Variants in GPHN observed in about 807,000 individuals in gnomAD.
The protein encoded by GPHN is gephyrin.
Under a neutral mutation model 95.5 loss-of-function variants are expected in GPHN, and 17 were observed. The ratio of observed to expected loss-of-function variants is 0.18; its 90% CI spans 0.12 to 0.27. The LOEUF is 0.27. Ranked by LOEUF, GPHN falls within the 10% of genes least tolerant of loss-of-function variation. GPHN has a pLI of 1.00. For synonymous variants in GPHN, 320 were observed against 322.5 expected (o/e 0.99, Z 0.08); for missense variants, 660 against 978.1 (o/e 0.67, Z 4.34).
intron 1 of GPHN, among the ~76,000 whole-genome samples, chr14:66,612,324 A>G (rs1406172456): frequency 2.0e-5 from 3 of 151,434 alleles, no homozygotes; most frequent in African/African-American, 7.3e-5. Context: ...ACATTCTCCT[A>G]TCCAGTTATT....
chr14:67,663,657 G>T, the GPHN span, among the ~76,000 whole-genome samples: 83 of 152,310 alleles, frequency 5.4e-4, no homozygotes, highest in East Asian at 0.015. Flanking sequence ...CTGGGCGACA[G>T]AGGGAGACTC....
intron 2 of GPHN, among the ~76,000 whole-genome samples, chr14:66,751,748 A>C (rs1319815666): frequency 6.6e-6 from 1 of 152,062 alleles, no homozygotes; most frequent in Non-Finnish European, 1.5e-5. Context: ...GTATTTTCAG[A>C]ATGGTCAATG....
At chr14:67,580,139 C>T in the GPHN span, 4 of 394,040 alleles carry the variant, frequency 1.0e-5, no homozygotes, top group Non-Finnish European at 1.9e-5. Flanking sequence ...AGAAGAAAAG[C>T]CTCTTCTTGG....
chr14:66,942,473 T>G (rs1234406814), intron 8 of GPHN, among the ~76,000 whole-genome samples: 1 of 152,202 alleles, frequency 6.6e-6, no homozygotes, highest in African/African-American at 2.4e-5. Flanking sequence ...TAAACCATCT[T>G]TTGAAAAGGA....
the GPHN span, among the ~76,000 whole-genome samples, chr14:67,671,662 A>G: frequency 6.6e-6 from 1 of 152,266 alleles, no homozygotes; most frequent in Admixed American, 6.5e-5. Context: ...CTATAACAGA[A>G]TAGCTGAGTC....
chr14:66,735,337 CTG>C (rs887710231), intron 2 of GPHN, among the ~76,000 whole-genome samples: 5 of 152,092 alleles, frequency 3.3e-5, no homozygotes, highest in African/African-American at 4.8e-5. Context: ...GCACAGTTAA[CTG>C]TGAGAAAAAG....
chr14:66,599,391 C>CTTTTTTTTTTTTTTTTTTTTTTTTT (rs1566679513), intron 1 of GPHN, among the ~76,000 whole-genome samples: 1 of 74,046 alleles, frequency 1.4e-5, no homozygotes, highest in Admixed American at 1.7e-4. Flanking sequence ...TTTTTTTTTG[C>CTTTTTTTTTTTTTTTTTTTTTTTTT]ATTTTTTTTT....
intron 1 of GPHN, among the ~76,000 whole-genome samples, chr14:66,655,527 A>G (rs1163056314): frequency 1.3e-5 from 2 of 152,106 alleles, no homozygotes; most frequent in African/African-American, 4.8e-5. Flanking sequence ...CTATGTTGAC[A>G]AATGTGCCAT....
At chr14:67,639,697 G>C in the GPHN span, among the ~76,000 whole-genome samples, 4 of 152,106 alleles carry the variant, frequency 2.6e-5, no homozygotes, top group Admixed American at 6.6e-5. Context: ...GAGGCAGGTG[G>C]ATCACTTGCG....
At chr14:67,557,171 A>G in the GPHN span, 1 of 952,888 alleles carries the variant, frequency 1.0e-6, no homozygotes, top group Non-Finnish European at 1.6e-6. Context: ...TGGGAGTCAC[A>G]GCCTGGGGCA....
chr14:67,433,325 A>G, the GPHN span, among the ~76,000 whole-genome samples: 1 of 152,198 alleles, frequency 6.6e-6, no homozygotes, highest in Non-Finnish European at 1.5e-5. Flanking sequence ...GAATGAGAGT[A>G]AGAGTGGGAC....
At chr14:67,358,340 C>A in the GPHN span, among the ~76,000 whole-genome samples, 4 of 152,138 alleles carry the variant, frequency 2.6e-5, no homozygotes, top group Admixed American at 2.6e-4. Flanking sequence ...TTAAAAACTT[C>A]ATTTCATTAA....
At chr14:67,653,578 G>A in the GPHN span, 1 of 1,252,964 alleles carries the variant, frequency 8.0e-7, no homozygotes, top group Non-Finnish European at 1.1e-6. Flanking sequence ...TTAACAGTAG[G>A]CATTAAGGGA....
chr14:67,090,930 A>G (rs988804075), intron 12 of GPHN, among the ~76,000 whole-genome samples: 1 of 151,974 alleles, frequency 6.6e-6, no homozygotes, highest in Non-Finnish European at 1.5e-5. Context: ...GTAGAAATTA[A>G]TTAGTTGTAG....
chr14:66,723,015 C>T (rs2070893856), intron 2 of GPHN, among the ~76,000 whole-genome samples: 1 of 152,128 alleles, frequency 6.6e-6, no homozygotes, highest in Non-Finnish European at 1.5e-5. Context: ...ACACATTCTA[C>T]TTCCCTTGAA....
chr14:67,355,967 A>G, the GPHN span, among the ~76,000 whole-genome samples: 1 of 152,186 alleles, frequency 6.6e-6, no homozygotes, highest in Admixed American at 6.5e-5. Context: ...ACTGCACTGC[A>G]GCCTGGACAA....
At chr14:67,397,850 G>C in the GPHN span, 1 of 1,587,940 alleles carries the variant, frequency 6.3e-7, no homozygotes, top group South Asian at 1.2e-5. Context: ...AGAAAGCCCT[G>C]AGGTGAGGCG....
chr14:67,448,560 A>G, the GPHN span, among the ~76,000 whole-genome samples: 7 of 151,984 alleles, frequency 4.6e-5, no homozygotes, highest in Non-Finnish European at 7.4e-5. Context: ...GGCAGCCCCT[A>G]CAAGGACTGC....
At chr14:66,895,336 C>T (rs894148044) in intron 5 of GPHN, among the ~76,000 whole-genome samples, 6 of 152,068 alleles carry the variant, frequency 3.9e-5, no homozygotes, top group Admixed American at 1.3e-4. Flanking sequence ...GGAAAGGGAA[C>T]GTCACACACC....
Sources: allele counts gnomAD v4.1 joint callset (sites outside exome capture counted in the v4.1 genomes callset), GRCh38; gene constraint gnomAD v4.1.1; transcripts MANE v1.5; gene names NCBI Gene and HGNC (gene_info 2026-07-23, HGNC 2026-07-21).